Variants in FYB1 observed in about 807,000 individuals in gnomAD.
The protein encoded by FYB1 is FYN-binding protein 1.
In FYB1, 41 loss-of-function variants were observed where a neutral mutation model predicts 94.1. The ratio of observed to expected loss-of-function variants is 0.44; its 90% CI spans 0.34 to 0.57. The LOEUF (loss-of-function observed/expected upper bound fraction) is 0.57, where lower values mean the gene tolerates loss of function less well. Among genes scored for constraint, FYB1 ranks in the 20% least tolerant of loss-of-function variants. The probability of loss-of-function intolerance (pLI) is 0.02; values close to 1 mark genes in which losing one functional copy is unlikely to be tolerated. For missense variants in FYB1, 1,050 were observed against 976.8 expected (o/e 1.07, Z -1.00); for synonymous variants, 367 against 353.2 (o/e 1.04, Z -0.44).
chr5:39,217,608 C>G (rs1363308496), intron 1 of FYB1, among the ~76,000 whole-genome samples: 1 of 152,160 alleles, frequency 6.6e-6, no homozygotes. Flanking sequence ...GATAAAGAAA[C>G]TGAGTCATGG....
chr5:39,152,354 C>A (rs1457861940), intron 3 of FYB1, among the ~76,000 whole-genome samples: 2 of 152,174 alleles, frequency 1.3e-5, no homozygotes, highest in Non-Finnish European at 2.9e-5. Flanking sequence ...AGTCATCAAG[C>A]ATGTCAGGGA....
chr5:39,220,073 G>T (rs148851234), upstream of FYB1, among the ~76,000 whole-genome samples: 1 of 152,126 alleles, frequency 6.6e-6, no homozygotes, highest in Admixed American at 6.5e-5. Context: ...TATTCTTGAG[G>T]CTGGAAGAAA....
chr5:39,199,818 C>A (rs1748158412), intron 2 of FYB1, among the ~76,000 whole-genome samples: 2 of 152,182 alleles, frequency 1.3e-5, no homozygotes, highest in African/African-American at 4.8e-5. Flanking sequence ...TTTACACTTA[C>A]TGCTTTTTCA....
At chr5:39,177,899 TTCC>T (rs1456841192) in intron 2 of FYB1, among the ~76,000 whole-genome samples, 2 of 152,220 alleles carry the variant, frequency 1.3e-5, no homozygotes, top group African/African-American at 4.8e-5. Context: ...CTCACTCCGC[TTCC>T]CCATCTCAAG....
intron 2 of FYB1, among the ~76,000 whole-genome samples, chr5:39,172,379 G>C (rs910392387): frequency 6.6e-6 from 1 of 152,106 alleles, no homozygotes; most frequent in African/African-American, 2.4e-5. Flanking sequence ...CTGAGAGGCA[G>C]AGGTTGCAGT....
At position 39,202,251 on chromosome 5, in the gene FYB1, G is replaced by A. The variant is rs1748403221; in HGVS notation, c.710C>T (p.Pro237Leu). ...TGAGTCTTCCCTTGCTGGTTTTAAAGGGCCGCTTTTGGACCTGACTCCCAG... is the reference window on the plus strand; with the variant it reads ...TGAGTCTTCCCTTGCTGGTTTTAAAAGGCCGCTTTTGGACCTGACTCCCAG... ...APLGVRSKSG[P>L]LKPAREDSEN... Residue 237 changes from proline to leucine, a missense_variant, in exon 2 of 19, where the codon CCT becomes CTT. Pro to Leu is a moderately conservative substitution (Grantham distance 98). Coordinates refer to ENST00000512982, the MANE Select transcript of FYB1 (RefSeq NM_001465.6). 1 of 1,613,820 alleles carries A rather than the reference G, an allele frequency of 6.2e-7. No homozygotes were observed. The highest frequency in any genetic ancestry group is 8.5e-7 in the Non-Finnish European group (1 of 1,179,900).
chr5:39,271,448 T>A (rs1280581218), intron 1 of FYB1, among the ~76,000 whole-genome samples: 1 of 152,100 alleles, frequency 6.6e-6, no homozygotes, highest in Non-Finnish European at 1.5e-5. Flanking sequence ...GGGTAGAAGG[T>A]CATCTTTGTT....
At chr5:39,135,382 T>G (rs1033054503) in intron 7 of FYB1, among the ~76,000 whole-genome samples, 5 of 152,234 alleles carry the variant, frequency 3.3e-5, no homozygotes, top group African/African-American at 1.2e-4. Flanking sequence ...CAGGATTCTG[T>G]TCAGAAGATG....
intron 1 of FYB1, among the ~76,000 whole-genome samples, chr5:39,252,213 C>T (rs996911949): frequency 6.6e-6 from 1 of 151,750 alleles, no homozygotes; most frequent in Non-Finnish European, 1.5e-5. Context: ...TGGCTCAAAA[C>T]AGAGTCATAA....
In FYB1 at chr5:39,107,244, T is replaced by G; in HGVS notation, c.*199A>C. On this transcript the variant is annotated 3_prime_UTR_variant, in exon 19 of 19. Coordinates refer to ENST00000512982, the MANE Select transcript of FYB1 (RefSeq NM_001465.6). ...ATTCTTACATCTCACTAATGTAGTC[T>G]TCTGAGTTAACAATTAAGCAGAGAG... The G allele has an allele frequency of 2.6e-6, 1 of 386,676 alleles. No individual in the cohort carries two copies. Among genetic ancestry groups the G allele is most frequent in the Non-Finnish European group, 4.8e-6 (1 of 208,464 alleles). 24.0% of individuals were successfully genotyped at this position (386,676 alleles called of 1,614,324 possible). A position where few individuals can be genotyped will look rare whatever the true frequency, so the allele number is the denominator to read the frequency against.
chr5:39,207,780 G>A (rs929517132), intron 1 of FYB1, among the ~76,000 whole-genome samples: 10 of 151,966 alleles, frequency 6.6e-5, no homozygotes, highest in Admixed American at 2.6e-4. Flanking sequence ...GGGTGTGGGG[G>A]TGGGCCGGGG....
At chr5:39,242,387 G>T (rs1561302098) in intron 1 of FYB1, among the ~76,000 whole-genome samples, 1 of 151,474 alleles carries the variant, frequency 6.6e-6, no homozygotes, top group African/African-American at 2.4e-5. Flanking sequence ...AGAACATGTG[G>T]TGTTTGGTTA....
At chr5:39,231,163 A>AAAC (rs1750725074) in intron 1 of FYB1, among the ~76,000 whole-genome samples, 1 of 118,958 alleles carries the variant, frequency 8.4e-6, no homozygotes, top group Admixed American at 7.9e-5. Context: ...AAAAAAAAAC[A>AAAC]AAAAAAAACA....
intron 1 of FYB1, among the ~76,000 whole-genome samples, chr5:39,234,666 G>C (rs1047308892): frequency 1.3e-5 from 2 of 152,160 alleles, no homozygotes; most frequent in Non-Finnish European, 2.9e-5. Flanking sequence ...TGATAGAATG[G>C]ATAAGGAAAA....
At chr5:39,126,245 A>C in intron 11 of FYB1, 110 bp from the exon 12 acceptor site, 1 of 1,164,620 alleles carries the variant, frequency 8.6e-7, no homozygotes, top group Non-Finnish European at 1.2e-6. Context: ...CACATTAATC[A>C]TTCAGGCAGT....
intron 2 of FYB1, among the ~76,000 whole-genome samples, chr5:39,168,881 ACCC>A (rs1744989638): frequency 6.6e-6 from 1 of 152,090 alleles, no homozygotes; most frequent in Non-Finnish European, 1.5e-5. Flanking sequence ...CCTGATTGTA[ACCC>A]ATTATCAATG....
At chr5:39,204,364 CAGG>C (rs1452267704) in intron 1 of FYB1, among the ~76,000 whole-genome samples, 2 of 152,176 alleles carry the variant, frequency 1.3e-5, no homozygotes, top group Non-Finnish European at 2.9e-5. Flanking sequence ...GCTGGAACTG[CAGG>C]AGGATGGCAT....
At position 39,114,075 on chromosome 5, in the gene FYB1, A is replaced by T. The variant is rs368113105; in HGVS notation, c.2402-3686T>A. Reference sequence around the variant, plus strand: ...TATGTAAGTTAAAAAAAAATGATCAATTGGATTTGGGAAGATCGAAAGCAC... The same window carrying T: ...TATGTAAGTTAAAAAAAAATGATCATTTGGATTTGGGAAGATCGAAAGCAC... On this transcript the variant is annotated intron_variant, in intron 16 of 18. Coordinates refer to ENST00000512982, the MANE Select transcript of FYB1 (RefSeq NM_001465.6). Among the ~76,000 whole-genome samples the T allele has an allele frequency of 5.4e-4, 82 of 152,238 alleles. 4 individuals are homozygous for T. In the South Asian group the frequency reaches 0.014, roughly 27 times the overall value.
intron 2 of FYB1, among the ~76,000 whole-genome samples, chr5:39,168,870 C>T (rs6891918): frequency 0.22 from 33,247 of 151,686 alleles, 3,866 homozygotes; most frequent in African/African-American, 0.28. Context: ...CAATTAGTTT[C>T]CCTGATTGTA....
Sources: allele counts gnomAD v4.1 joint callset (sites outside exome capture counted in the v4.1 genomes callset), GRCh38; gene constraint gnomAD v4.1.1; transcripts MANE v1.5; gene names NCBI Gene and HGNC (gene_info 2026-07-23, HGNC 2026-07-21).